The following AKR1B15 variants were observed in gnomAD, a reference collection of about 807,000 sequenced individuals.
The protein encoded by AKR1B15 is aldo-keto reductase family 1 member B15, also known as estradiol 17-beta-dehydrogenase AKR1B15.
Under a neutral mutation model 38.5 loss-of-function variants are expected in AKR1B15, and 49 were observed. The ratio of observed to expected loss-of-function variants is 1.27; its 90% confidence interval spans 1.01 to 1.62. The LOEUF is 1.62. Among genes scored for constraint, AKR1B15 ranks in the 40% most tolerant of loss-of-function variants. AKR1B15 has a pLI of 0.00. For missense variants in AKR1B15, 411 were observed against 381.6 expected, an observed-to-expected ratio of 1.08 and a Z score of -0.64; for synonymous variants, 137 against 135.5, an observed-to-expected ratio of 1.01 and a Z score of -0.08.
rs567466148 is a variant in AKR1B15, at chr7:134,568,456, G to A, written c.318+131G>A. ...TTTCATCTCTGCCTTGATAACATCC[G>A]TGGATACAATACTATCCATACTCCA... is the stretch of plus-strand genomic sequence containing the variant. On this transcript the variant is annotated intron_variant, in intron 4 of 11. Coordinates refer to ENST00000457545, the MANE Select transcript of AKR1B15 (RefSeq NM_001080538.3). 2.3e-5 allele frequency: 31 copies of A among 1,350,886 alleles called. No individual in the cohort carries two copies. In the Admixed American group the frequency reaches 2.6e-4, roughly 11 times the overall value. 83.7% of individuals were successfully genotyped at this position (1,350,886 alleles called of 1,614,324 possible).
At chr7:134,553,061 T>C (rs1794044398) in intron 1 of AKR1B15, among the ~76,000 whole-genome samples, 1 of 152,162 alleles carries the variant, frequency 6.6e-6, no homozygotes, top group Non-Finnish European at 1.5e-5. Context: ...CCCAGCTTTT[T>C]CTTCCCAGCA....
Position 134,579,649 on chromosome 7 carries a change from C to A in AKR1B15, c.*100C>A. The A allele has an allele frequency of 8.9e-7, 1 of 1,126,146 alleles. No homozygotes were observed. Among genetic ancestry groups the A allele is most frequent in the South Asian group, 1.6e-5 (1 of 63,018 alleles). 69.8% of individuals were successfully genotyped at this position (1,126,146 alleles called of 1,614,324 possible). A position where few individuals can be genotyped will look rare whatever the true frequency, so the allele number is the denominator to read the frequency against. ...TATTTTAGCCAAGCTTATCTGAGAT[C>A]ACAGTGAACTTTGTCCTGTTGTAGA... On this transcript the variant is annotated 3_prime_UTR_variant, in exon 12 of 12. Coordinates refer to ENST00000457545, the MANE Select transcript of AKR1B15 (RefSeq NM_001080538.3).
chr7:134,578,053 A>T (rs189000964), intron 11 of AKR1B15, among the ~76,000 whole-genome samples: 1 of 152,190 alleles, frequency 6.6e-6, no homozygotes, highest in Non-Finnish European at 1.5e-5. Context: ...ACATTCATTT[A>T]TTCATTCATT....
rs1490174284 is a variant in AKR1B15, at chr7:134,576,988, G to A, written c.851G>A (p.Arg284Lys). The A allele has an allele frequency of 1.2e-5, 19 of 1,613,942 alleles. No individual in the cohort carries two copies. Among genetic ancestry groups the A allele is most frequent in the Non-Finnish European group, 1.6e-5 (19 of 1,179,846 alleles). The stretch of plus-strand genomic sequence containing the variant: ...GTTCTGATCCGTTTCCATATCCAGA[G>A]GAATGTGACAGTGATCCCCAAGTCT... ...AQVLIRFHIQ[R>K]NVTVIPKSMT... Residue 284 changes from arginine to lysine, a missense_variant, in exon 10 of 12, where the codon AGG (arginine) becomes AAG (lysine). Transcript: ENST00000457545.
chr7:134,556,508 C>T lies in AKR1B15; in HGVS notation c.-146-228C>T, dbSNP rs779387741. On this transcript the variant is annotated intron_variant, in intron 1 of 11. Coordinates refer to ENST00000457545, the MANE Select transcript of AKR1B15 (RefSeq NM_001080538.3). ...CAAGGTATAACTTACCTGCTTCTCC[C>T]TTTCAGGCTACTTGTAGTGAGTCTC... 5.8e-4 allele frequency among the ~76,000 whole-genome samples: 89 copies of T among 152,184 alleles called. 1 individual carries two copies. Among genetic ancestry groups the T allele is most frequent in the Non-Finnish European group, 1.9e-4 (13 of 68,028 alleles).
At position 134,564,696 on chromosome 7, in the gene AKR1B15, C is replaced by T. The variant is rs1376961496; in HGVS notation, c.77C>T (p.Pro26Leu). ...HQGPLDQPVG[P>L]LTGLKSSLLK... ...GGACCCCTGGACCAACCCGTTGGCC[C>T]TTTGACTGGCCTAAAGAGTTCCCTT... The change falls in exon 3 of 12, where the codon CCT (proline) becomes CTT (leucine). Residue 26 changes from proline to leucine, a missense_variant. Transcript: ENST00000457545. 1.4e-6 allele frequency: 1 copy of T among 699,090 alleles called. No individual in the cohort carries two copies. The highest frequency in any genetic ancestry group is 2.7e-5 in the East Asian group (1 of 37,262). The allele number at this position is 699,090 out of a possible 1,614,324, so 43.3% of individuals were successfully genotyped here. A position where few individuals can be genotyped will look rare whatever the true frequency, so the allele number is the denominator to read the frequency against.
chr7:134,571,466 T>C, intron 5 of AKR1B15, 138 bp from the exon 6 acceptor site: 2 of 706,952 alleles, frequency 2.8e-6, no homozygotes, highest in Non-Finnish European at 5.1e-6. Context: ...ACTCACATTC[T>C]TGTAGTATGT....
intron 1 of AKR1B15, among the ~76,000 whole-genome samples, chr7:134,550,092 A>G (rs1230487097): frequency 6.6e-6 from 1 of 152,088 alleles, no homozygotes; most frequent in Non-Finnish European, 1.5e-5. Context: ...TTCTCCTTAG[A>G]CCAGTGGTGG....
At chr7:134,558,399 A>G (rs1398498037) in intron 2 of AKR1B15, among the ~76,000 whole-genome samples, 1 of 152,220 alleles carries the variant, frequency 6.6e-6, no homozygotes, top group Non-Finnish European at 1.5e-5. Context: ...CCAGTAATGT[A>G]GTTAAAGCGC....
chr7:134,566,386 T>C (rs953776352), intron 3 of AKR1B15, among the ~76,000 whole-genome samples: 19 of 152,124 alleles, frequency 1.2e-4, no homozygotes, highest in Admixed American at 2.0e-4. Context: ...CCCTAGGTGG[T>C]TCCTGTACAC....
At chr7:134,570,270 C>T (rs1272968586) in intron 5 of AKR1B15, 1 of 152,150 alleles carries the variant, frequency 6.6e-6, no homozygotes. Flanking sequence ...AACCCTGTCT[C>T]CTGATAAGAC....
chr7:134,576,690 G>T (rs1278253202), intron 9 of AKR1B15, among the ~76,000 whole-genome samples: 3 of 151,700 alleles, frequency 2.0e-5, no homozygotes, highest in Admixed American at 6.6e-5. Flanking sequence ...CTAGGGATAT[G>T]GGTGCAGATG....
At chr7:134,560,515 CA>C (rs1160508527) in intron 2 of AKR1B15, among the ~76,000 whole-genome samples, 2 of 152,154 alleles carry the variant, frequency 1.3e-5, no homozygotes, top group Non-Finnish European at 2.9e-5. Flanking sequence ...TACACGAAAA[CA>C]GCTAATAGAT....
rs1156889922 is a variant in AKR1B15, at chr7:134,577,004, C to A, written c.867C>A (p.Ile289=). 12 of 1,613,936 alleles carry A rather than the reference C, an allele frequency of 7.4e-6. No homozygotes were observed. Among genetic ancestry groups the A allele is most frequent in the African/African-American group, 4.0e-5 (3 of 75,022 alleles). ...RFHIQRNVTV[I]PKSMTPAHIV... The stretch of plus-strand genomic sequence containing the variant: ...ATATCCAGAGGAATGTGACAGTGAT[C>A]CCCAAGTCTATGACACCAGCACACA... Residue 289 remains isoleucine, a synonymous_variant, in exon 10 of 12, where the codon ATC becomes ATA. Transcript: ENST00000457545.
intron 4 of AKR1B15, 82 bp from the exon 5 acceptor site, chr7:134,569,331 C>T: frequency 6.5e-7 from 1 of 1,531,230 alleles, no homozygotes; most frequent in Non-Finnish European, 9.0e-7. Context: ...GATGAGGATG[C>T]AAATCAAAAA....
intron 10 of AKR1B15, 84 bp from the exon 11 acceptor site, chr7:134,577,620 C>T: frequency 6.8e-7 from 1 of 1,469,058 alleles, no homozygotes; most frequent in Non-Finnish European, 9.4e-7. Context: ...AATGTGAGCT[C>T]CCTCCCTGCT....
In AKR1B15 at chr7:134,568,312, T is replaced by G. The variant is rs1181331212; in HGVS notation, c.305T>G (p.Phe102Cys). Residue 102 changes from phenylalanine (F) to cysteine (C), a missense_variant, in exon 4 of 12, where the codon TTC (phenylalanine) becomes TGC (cysteine). Around this residue, in one of 3 missense-constraint regions of AKR1B15, gnomAD observed 254 missense variants for 212.4 expected, o/e 1.20. Coordinates refer to ENST00000457545, the MANE Select transcript of AKR1B15 (RefSeq NM_001080538.3). ...QEKAVMREDL[F>C]IVSKVWPTFF... is the part of the protein sequence containing the mutation. ...AAGGCTGTGATGCGGGAGGACCTGTTCATCGTCAGCAAGGTGCACATGGCG... is the reference window on the plus strand; with the variant it reads ...AAGGCTGTGATGCGGGAGGACCTGTGCATCGTCAGCAAGGTGCACATGGCG... 6.2e-7 allele frequency: 1 copy of G among 1,614,076 alleles called. No homozygotes were observed. The highest frequency in any genetic ancestry group is 1.7e-5 in the Admixed American group (1 of 60,022).
At chr7:134,569,722 A>G (rs1176866186) in intron 5 of AKR1B15, 193 bp downstream of exon 5, 4 of 554,826 alleles carry the variant, frequency 7.2e-6, no homozygotes, top group Non-Finnish European at 1.3e-5. Context: ...TCTGAACATA[A>G]ATTGTGAAGA....
chr7:134,565,402 C>A, intron 3 of AKR1B15: 1 of 1,605,508 alleles, frequency 6.2e-7, no homozygotes, highest in Non-Finnish European at 8.5e-7. Flanking sequence ...GACCACGAAC[C>A]CTCTGGAAGG....
Sources: allele counts gnomAD v4.1 joint callset (sites outside exome capture counted in the v4.1 genomes callset), GRCh38; gene constraint gnomAD v4.1.1; regional missense constraint gnomAD v4.1.1; transcripts MANE v1.5; gene names NCBI Gene and HGNC (gene_info 2026-07-23, HGNC 2026-07-21).